The following XKR9 variants were observed in gnomAD, a reference collection of about 807,000 sequenced individuals.
The protein encoded by XKR9 is XK related 9, also known as XK-related protein 9.
XKR9 carries 32 observed loss-of-function variants against 32.0 expected under a neutral mutation model. That is an observed-to-expected ratio of 1.00 (90% CI 0.76 to 1.34). XKR9 has a LOEUF of 1.34. XKR9 is among the 40% of genes most tolerant of loss of function. The probability of loss-of-function intolerance (pLI) is 0.00; values close to 1 mark genes in which losing one functional copy is unlikely to be tolerated. For missense variants in XKR9, 546 were observed against 429.7 expected (o/e 1.27, Z -2.39); for synonymous variants, 168 against 143.4 (o/e 1.17, Z -1.22).
chr8:70,909,638 G>A, the XKR9 span, among the ~76,000 whole-genome samples: 1 of 145,652 alleles, frequency 6.9e-6, no homozygotes, highest in East Asian at 2.1e-4. Flanking sequence ...GTGAGACCCA[G>A]TCTCAAAAGA....
the XKR9 span, among the ~76,000 whole-genome samples, chr8:70,894,401 A>C: frequency 6.6e-6 from 1 of 152,108 alleles, no homozygotes; most frequent in East Asian, 1.9e-4. Flanking sequence ...GAAGCAGGGC[A>C]TCAGAGTTCT....
chr8:71,059,529 C>G, the XKR9 span, among the ~76,000 whole-genome samples: 1 of 152,232 alleles, frequency 6.6e-6, no homozygotes, highest in East Asian at 1.9e-4. Context: ...TGACAAATGC[C>G]TGCAGAGAAG....
intron 2 of XKR9, among the ~76,000 whole-genome samples, chr8:70,763,552 T>C (rs2130213933): frequency 6.6e-6 from 1 of 152,358 alleles, no homozygotes; most frequent in East Asian, 1.9e-4. Flanking sequence ...CTATTTATAA[T>C]ACATCATTTC....
At chr8:70,685,546 A>G (rs1163805954) in intron 3 of XKR9, among the ~76,000 whole-genome samples, 1 of 150,956 alleles carries the variant, frequency 6.6e-6, no homozygotes, top group African/African-American at 2.4e-5. Flanking sequence ...ATGGAATACT[A>G]TGCAGCCATA....
chr8:70,733,305 T>TTC (rs1409218815), intron 4 of XKR9, among the ~76,000 whole-genome samples: 1 of 151,842 alleles, frequency 6.6e-6, no homozygotes, highest in Admixed American at 6.6e-5. Flanking sequence ...TTAACCCTCT[T>TTC]TCTCTCTCTC....
In XKR9 at chr8:70,735,622, C is replaced by G. The variant is rs1806841375; in HGVS notation, c.*1198C>G. On this transcript the variant is annotated 3_prime_UTR_variant, in exon 5 of 5. Transcript: ENST00000408926. Reference sequence around the variant, plus strand: ...AAGCTATCCCTCCCCCCTCCCCCCACCCCACAACAGTCCCCAGAGTGTGAT... The same window carrying G: ...AAGCTATCCCTCCCCCCTCCCCCCAGCCCACAACAGTCCCCAGAGTGTGAT... 9.4e-6 allele frequency: 1 copy of G among 106,694 alleles called. No individual in the cohort carries two copies. The highest frequency in any genetic ancestry group is 1.8e-5 in the Non-Finnish European group (1 of 57,138). The allele number at this position is 106,694 out of a possible 1,614,324, so 6.6% of individuals were successfully genotyped here.
chr8:70,993,613 CCTTCCTTCCT>C, the XKR9 span, among the ~76,000 whole-genome samples: 8 of 61,662 alleles, frequency 1.3e-4, no homozygotes, highest in African/African-American at 5.5e-4. Context: ...TTCCTTCCTT[CCTTCCTTCCT>C]TCCTTCCTTC....
intron 3 of XKR9, among the ~76,000 whole-genome samples, chr8:70,703,122 T>C (rs2132167237): frequency 6.6e-6 from 1 of 152,236 alleles, no homozygotes; most frequent in East Asian, 1.9e-4. Flanking sequence ...TGTTACTGGT[T>C]TTGATCAAAT....
At chr8:70,843,208 T>G in the XKR9 span, among the ~76,000 whole-genome samples, 1 of 152,184 alleles carries the variant, frequency 6.6e-6, no homozygotes, top group Non-Finnish European at 1.5e-5. Context: ...GAGGCCATAA[T>G]AAAGCTAATT....
chr8:70,851,773 A>G, the XKR9 span, among the ~76,000 whole-genome samples: 1 of 152,218 alleles, frequency 6.6e-6, no homozygotes, highest in Non-Finnish European at 1.5e-5. Flanking sequence ...ACCTTATACA[A>G]AAATTAACTG....
At chr8:70,975,453 T>TATAAATGGCTAGCCAGTTTTCC in the XKR9 span, among the ~76,000 whole-genome samples, 2 of 152,238 alleles carry the variant, frequency 1.3e-5, no homozygotes, top group Non-Finnish European at 2.9e-5. Flanking sequence ...TTCAGTTTTC[T>TATAAATGGCTAGCCAGTTTTCC]ATAAATGGCT....
intron 4 of XKR9, among the ~76,000 whole-genome samples, chr8:70,726,339 G>T (rs1434956991): frequency 6.6e-6 from 1 of 152,190 alleles, no homozygotes; most frequent in African/African-American, 2.4e-5. Context: ...AATTAATTTT[G>T]TTCGTGCCTG....
chr8:70,775,808 A>T (rs941823406), intron 2 of XKR9, among the ~76,000 whole-genome samples: 1 of 151,434 alleles, frequency 6.6e-6, no homozygotes, highest in Admixed American at 6.6e-5. Context: ...ACAGTGGCGC[A>T]ATCATGGCTC....
chr8:70,884,126 G>C, the XKR9 span, among the ~76,000 whole-genome samples: 1 of 152,212 alleles, frequency 6.6e-6, no homozygotes, highest in Admixed American at 6.5e-5. Flanking sequence ...TTCCAATTTT[G>C]TAAGGTCATA....
At chr8:70,872,819 C>T in the XKR9 span, among the ~76,000 whole-genome samples, 1 of 152,108 alleles carries the variant, frequency 6.6e-6, no homozygotes, top group South Asian at 2.1e-4. Flanking sequence ...TGCCACCACG[C>T]CCAGCTAATT....
chr8:70,725,905 CAACAACAACAA>C (rs1280371700), intron 4 of XKR9, among the ~76,000 whole-genome samples: 1 of 151,996 alleles, frequency 6.6e-6, no homozygotes, highest in Non-Finnish European at 1.5e-5. Flanking sequence ...GACTCCATCT[CAACAACAACAA>C]AACAACAACA....
At chr8:70,806,237 A>T in the XKR9 span, among the ~76,000 whole-genome samples, 1 of 152,020 alleles carries the variant, frequency 6.6e-6, no homozygotes, top group African/African-American at 2.4e-5. Flanking sequence ...AACAACAAAG[A>T]AGTCCCCACA....
chr8:70,856,454 A>G, the XKR9 span, among the ~76,000 whole-genome samples: 1 of 152,224 alleles, frequency 6.6e-6, no homozygotes, highest in Admixed American at 6.5e-5. Flanking sequence ...CCAATACAGG[A>G]GCAACCAGAT....
At chr8:70,799,384 G>A in the XKR9 span, among the ~76,000 whole-genome samples, 1 of 152,186 alleles carries the variant, frequency 6.6e-6, no homozygotes, top group Non-Finnish European at 1.5e-5. Flanking sequence ...AAGCTGGAGT[G>A]CTGCGGTGCG....
Sources: allele counts gnomAD v4.1 joint callset (sites outside exome capture counted in the v4.1 genomes callset), GRCh38; gene constraint gnomAD v4.1.1; transcripts MANE v1.5; gene names NCBI Gene and HGNC (gene_info 2026-07-23, HGNC 2026-07-21).